Variants in CEP170 observed in about 807,000 individuals in gnomAD.
CEP170 encodes the protein centrosomal protein 170.
Under a neutral mutation model 151.9 loss-of-function variants are expected in CEP170, and 21 were observed. The ratio of observed to expected loss-of-function variants is 0.14; its 90% CI spans 0.10 to 0.20. The LOEUF (loss-of-function observed/expected upper bound fraction) is 0.20, where lower values mean the gene tolerates loss of function less well. CEP170 is among the 10% of genes least tolerant of loss of function. The pLI, the probability that CEP170 is intolerant of heterozygous loss-of-function variation, is 1.00. For synonymous variants in CEP170, 356 were observed against 648.8 expected (o/e 0.55, Z 6.86); for missense variants, 964 against 1,892.9 (o/e 0.51, Z 9.11).
At chr1:243,223,983 C>T (rs191136932) in intron 2 of CEP170, among the ~76,000 whole-genome samples, 2 of 151,846 alleles carry the variant, frequency 1.3e-5, no homozygotes, top group Admixed American at 1.3e-4. Context: ...ATCTAGTGAC[C>T]GAGTCAAGGA....
rs960404967 is a variant in CEP170 at position 243,250,126 on chromosome 1, A to C, written c.-42+4914T>G. On this transcript the variant is annotated intron_variant, in intron 1 of 19. Transcript: ENST00000366542. ...CCCCAAAAACAAACAAACAAAAAAA[A>C]CCCATCCGAATGGTTTTCATTATTT... 2.0e-5 allele frequency among the ~76,000 whole-genome samples: 3 copies of C among 152,108 alleles called. 1 individual carries two copies. Among genetic ancestry groups the C allele is most frequent in the South Asian group, 4.1e-4 (2 of 4,820 alleles).
At chr1:243,189,020 G>A (rs548235348) in intron 8 of CEP170, among the ~76,000 whole-genome samples, 1 of 152,266 alleles carries the variant, frequency 6.6e-6, no homozygotes, top group South Asian at 2.1e-4. Context: ...TTGTAAAATG[G>A]TCTGAAGGCA....
chr1:243,221,713 C>A lies in CEP170; in HGVS notation c.195+11G>T. 3 of 1,601,506 alleles carry A rather than the reference C, an allele frequency of 1.9e-6. No individual in the cohort carries two copies. The highest frequency in any genetic ancestry group is 2.6e-6 in the Non-Finnish European group (3 of 1,175,242). ...TGTTCAAACAAGACAAAAAATAAAC[C>A]ATTGACTTACCCCATTGAGGCTGCC... is the stretch of plus-strand genomic sequence containing the variant. On this transcript the variant is annotated intron_variant, in intron 3 of 19. Coordinates refer to ENST00000366542, the MANE Select transcript of CEP170 (RefSeq NM_014812.3).
At chr1:243,157,724 G>A (rs915693035) in intron 13 of CEP170, among the ~76,000 whole-genome samples, 2 of 152,096 alleles carry the variant, frequency 1.3e-5, no homozygotes, top group Non-Finnish European at 2.9e-5. Flanking sequence ...TTTCAGCTGG[G>A]GATCTCTAAG....
intron 3 of CEP170, 122 bp from the exon 4 acceptor site, chr1:243,212,086 G>A: frequency 8.9e-7 from 1 of 1,124,506 alleles, no homozygotes; most frequent in Non-Finnish European, 1.2e-6. Flanking sequence ...AATACAGCCT[G>A]AGTATCATAA....
rs987592667 is a variant in CEP170 at position 243,248,020 on chromosome 1, C to T, written c.-42+7020G>A. 3.3e-5 allele frequency among the ~76,000 whole-genome samples: 5 copies of T among 152,322 alleles called. 1 individual carries two copies. The highest frequency in any genetic ancestry group is 9.6e-5 in the African/African-American group (4 of 41,568). Reference sequence around the variant, plus strand: ...CCTGTTCAAACATCAGAGGCAGCAGCAGCTGCCATACTCATCCACGTAGGA... The same window carrying T: ...CCTGTTCAAACATCAGAGGCAGCAGTAGCTGCCATACTCATCCACGTAGGA... On this transcript the variant is annotated intron_variant, in intron 1 of 19. Coordinates refer to ENST00000366542, the MANE Select transcript of CEP170 (RefSeq NM_014812.3).
chr1:243,154,751 T>A (rs186115378), intron 14 of CEP170, among the ~76,000 whole-genome samples: 296 of 152,330 alleles, frequency 1.9e-3, no homozygotes, highest in Non-Finnish European at 3.2e-3. Flanking sequence ...AAATACAGTG[T>A]ATAGCCCTTA....
At chr1:243,135,070 T>C (rs1368050674) in intron 17 of CEP170, among the ~76,000 whole-genome samples, 1 of 152,214 alleles carries the variant, frequency 6.6e-6, no homozygotes, top group Non-Finnish European at 1.5e-5. Context: ...GCTAAAAAGC[T>C]ACACATTTTA....
chr1:243,246,448 T>A (rs2065408658), intron 1 of CEP170, among the ~76,000 whole-genome samples: 4 of 152,152 alleles, frequency 2.6e-5, no homozygotes, highest in Admixed American at 2.6e-4. Context: ...GCCAGGCTGG[T>A]CTTGAACTCC....
rs776727005 is a variant in CEP170 at position 243,186,265 on chromosome 1, T to C, written c.1266A>G (p.Gln422=). 6.2e-7 allele frequency: 1 copy of C among 1,613,802 alleles called. No individual in the cohort carries two copies. The highest frequency in any genetic ancestry group is 1.1e-5 in the South Asian group (1 of 91,078). Residue 422 remains glutamine (Q), a synonymous_variant, in exon 9 of 20, where the codon CAA becomes CAG. Transcript: ENST00000366542. ...KVQATEKHQD[Q]AVTSSAHHRG... is the part of the protein sequence containing the mutation. Reference sequence around the variant, plus strand: ...TAAAAGCAGTTTGACTTACAACAGCTTGGTCTTGATGCTTTTCAGTAGCCT... The same window carrying C: ...TAAAAGCAGTTTGACTTACAACAGCCTGGTCTTGATGCTTTTCAGTAGCCT...
chr1:243,241,428 A>C lies in CEP170; in HGVS notation c.-42+13612T>G, dbSNP rs78456206. ...GATAAGAATGCTTCACCTTCTATAA[A>C]GGTATTTTAAAATATAAAAGAAGGT... is the stretch of plus-strand genomic sequence containing the variant. On this transcript the variant is annotated intron_variant, in intron 1 of 19. Coordinates refer to ENST00000366542, the MANE Select transcript of CEP170 (RefSeq NM_014812.3). Among the ~76,000 whole-genome samples the C allele has an allele frequency of 8.9e-3, 1,357 of 152,362 alleles. 21 individuals carry two copies. Among genetic ancestry groups the C allele is most frequent in the African/African-American group, 0.03 (1,265 of 41,598 alleles).
intron 1 of CEP170, among the ~76,000 whole-genome samples, chr1:243,244,005 T>C (rs1055859978): frequency 6.6e-6 from 1 of 152,184 alleles, no homozygotes; most frequent in Non-Finnish European, 1.5e-5. Context: ...TTTTTTTTAA[T>C]ATAACAGTGA....
intron 7 of CEP170, among the ~76,000 whole-genome samples, chr1:243,197,009 A>C (rs1244215573): frequency 6.6e-6 from 1 of 152,142 alleles, no homozygotes; most frequent in Non-Finnish European, 1.5e-5. Flanking sequence ...CTGGGACAAA[A>C]TTAGAAAACT....
chr1:243,230,657 T>C (rs1401941552), intron 1 of CEP170, among the ~76,000 whole-genome samples: 2 of 152,106 alleles, frequency 1.3e-5, no homozygotes, highest in East Asian at 3.9e-4. Flanking sequence ...GAGGAGGAGT[T>C]AGAAAGGTTC....
At position 243,192,851 on chromosome 1, in the gene CEP170, C is replaced by T. The variant is rs563030970; in HGVS notation, c.632-1357G>A. On this transcript the variant is annotated intron_variant, in intron 7 of 19. Transcript: ENST00000366542. ...ATAATCAAATGTGTGGGATAGGGCA[C>T]GGAAGACAACAAGCTCCATTTCCAC... Among the ~76,000 whole-genome samples, 52 of 152,032 alleles carry T rather than the reference C, an allele frequency of 3.4e-4. No individual in the cohort carries two copies. The South Asian group carries it at 9.8e-3, about 29-fold the overall frequency.
At chr1:243,158,563 AAT>A (rs2057770733) in intron 13 of CEP170, among the ~76,000 whole-genome samples, 1 of 152,204 alleles carries the variant, frequency 6.6e-6, no homozygotes, top group South Asian at 2.1e-4. Context: ...AAGTGCTATT[AAT>A]ATACGTTAAA....
At chr1:243,152,521 A>ATATT (rs2057196030) in intron 14 of CEP170, among the ~76,000 whole-genome samples, 1 of 54,934 alleles carries the variant, frequency 1.8e-5, no homozygotes, top group African/African-American at 7.5e-5. Flanking sequence ...GCGCCCAGCC[A>ATATT]TTTTTTTTTT....
intron 1 of CEP170, among the ~76,000 whole-genome samples, chr1:243,250,687 T>C (rs1038113204): frequency 6.6e-6 from 1 of 152,176 alleles, no homozygotes; most frequent in Admixed American, 6.5e-5. Context: ...TTTATGAACA[T>C]TAGAAAAGGA....
At position 243,185,998 on chromosome 1, in the gene CEP170, T is replaced by C. The variant is rs1216246589; in HGVS notation, c.1347A>G (p.Pro449=). The change falls in exon 10 of 20, where the codon CCA becomes CCG. Residue 449 remains proline (P), a synonymous_variant. Coordinates refer to ENST00000366542, the MANE Select transcript of CEP170 (RefSeq NM_014812.3). This position sits in a 1 kb window ranked among gnomAD's most constrained non-coding sequence, Gnocchi z 4.9. The part of the protein sequence containing the change: ...GKLLKQKSEE[P]SVSIPFLQTA... ...TTTGTAGGAAGGGTATTGACACCGA[T>C]GGCTCCTCTGATTTCTGTTTTAACA... The C allele has an allele frequency of 6.2e-7, 1 of 1,613,776 alleles. No homozygotes were observed. Among genetic ancestry groups the C allele is most frequent in the South Asian group, 1.1e-5 (1 of 91,078 alleles).
Sources: gnomAD v4.1 joint callset for allele counts (sites outside exome capture counted in the v4.1 genomes callset) on GRCh38, gnomAD v4.1.1 for gene constraint, Gnocchi (gnomAD v3.1) non-coding constraint, MANE v1.5 for transcripts, NCBI Gene and HGNC (gene_info 2026-07-23, HGNC 2026-07-21) for gene names.